FUBP1: variants seen among roughly 807,000 people sequenced by gnomAD.
The protein encoded by FUBP1 is far upstream element binding protein 1.
In FUBP1, 16 loss-of-function variants were observed where a neutral mutation model predicts 94.9. The ratio of observed to expected loss-of-function variants is 0.17; its 90% CI spans 0.11 to 0.26. The LOEUF (loss-of-function observed/expected upper bound fraction) is 0.26, where lower values mean the gene tolerates loss of function less well. Ranked by LOEUF, FUBP1 falls within the 10% of genes least tolerant of loss-of-function variation. The probability of loss-of-function intolerance (pLI) is 1.00; values close to 1 mark genes in which losing one functional copy is unlikely to be tolerated. For synonymous variants in FUBP1, 279 were observed against 254.9 expected (o/e 1.09, Z -0.90); for missense variants, 583 against 808.6 (o/e 0.72, Z 3.38).
intron 1 of FUBP1, among the ~76,000 whole-genome samples, chr1:77,973,807 G>T (rs1467500727): frequency 6.6e-6 from 1 of 152,212 alleles, no homozygotes; most frequent in Non-Finnish European, 1.5e-5. Flanking sequence ...TTCTGGGGTA[G>T]GGGAGGGTCC....
At position 77,945,791 on chromosome 1, in the gene FUBP1, T is replaced by C. The variant is rs1652009687; in HGVS notation, c.*2975A>G. On this transcript the variant is annotated 3_prime_UTR_variant, in exon 20 of 20. Coordinates refer to ENST00000370768, the MANE Select transcript of FUBP1 (RefSeq NM_003902.5). ...CATACATTCAACTTAACTCAAAATA[T>C]GTACCAGTTAAAATCATCTATAAAA... 1 of 213,836 alleles carries C rather than the reference T, an allele frequency of 4.7e-6. No individual in the cohort carries two copies. The highest frequency in any genetic ancestry group is 1.9e-4 in the South Asian group (1 of 5,362). 13.2% of individuals were successfully genotyped at this position (213,836 alleles called of 1,614,324 possible). A position where few individuals can be genotyped will look rare whatever the true frequency, so the allele number is the denominator to read the frequency against.
chr1:77,958,103 A>G (rs1020862959), intron 16 of FUBP1, among the ~76,000 whole-genome samples: 1 of 152,158 alleles, frequency 6.6e-6, no homozygotes, highest in Non-Finnish European at 1.5e-5. Flanking sequence ...TTATCTGTAT[A>G]TTAATCAAGA....
rs1357681927 is a variant in FUBP1 at position 77,945,847 on chromosome 1, T to C, written c.*2919A>G. On this transcript the variant is annotated 3_prime_UTR_variant, in exon 20 of 20. Coordinates refer to ENST00000370768, the MANE Select transcript of FUBP1 (RefSeq NM_003902.5). ...CAAACATTTTAAACTGGCAAAAAAA[T>C]TAAATGCAGCGTCAGTTATTAAAAT... 1 of 211,088 alleles carries C rather than the reference T, an allele frequency of 4.7e-6. No individual in the cohort carries two copies. Among genetic ancestry groups the C allele is most frequent in the Non-Finnish European group, 9.6e-6 (1 of 104,140 alleles). 13.1% of individuals were successfully genotyped at this position (211,088 alleles called of 1,614,324 possible). A position where few individuals can be genotyped will look rare whatever the true frequency, so the allele number is the denominator to read the frequency against.
chr1:77,976,369 T>C (rs551872415), intron 1 of FUBP1, among the ~76,000 whole-genome samples: 1 of 152,238 alleles, frequency 6.6e-6, no homozygotes, highest in South Asian at 2.1e-4. Flanking sequence ...TATAAAGAAA[T>C]CATTACAGCA....
upstream of FUBP1, chr1:77,979,272 C>T (rs2102569538): frequency 4.5e-6 from 2 of 442,938 alleles, no homozygotes; most frequent in Non-Finnish European, 8.2e-6. Flanking sequence ...CTTTTGGCAC[C>T]TCCTCTCCGC....
intron 16 of FUBP1, among the ~76,000 whole-genome samples, chr1:77,958,336 A>G (rs1049466714): frequency 6.6e-6 from 1 of 152,242 alleles, no homozygotes; most frequent in Admixed American, 6.5e-5. Flanking sequence ...GAGGAGTTCA[A>G]AAACTTGCTT....
intron 18 of FUBP1, among the ~76,000 whole-genome samples, chr1:77,952,389 A>C (rs1308180062): frequency 6.6e-6 from 1 of 151,576 alleles, no homozygotes; most frequent in Admixed American, 6.6e-5. Flanking sequence ...TTTTCAGTAA[A>C]TAAGCAAATA....
At chr1:77,953,891 C>T (rs559555802) in intron 18 of FUBP1, among the ~76,000 whole-genome samples, 1 of 152,250 alleles carries the variant, frequency 6.6e-6, no homozygotes, top group South Asian at 2.1e-4. Flanking sequence ...TCCATAATTA[C>T]CTAAATCCAT....
Position 77,964,736 on chromosome 1 carries a change from T to C in FUBP1, c.747A>G (p.Glu249=), listed in dbSNP as rs146668201. ...GDPYKVQQAK[E]MVLELIRDQG... ...GATCACGAATTAACTCTAACACCAT[T>C]TCCTTGGCTTGCTAAAGCAGAAAAA... The change falls in exon 10 of 20, where the codon GAA becomes GAG. Residue 249 remains glutamate, a synonymous_variant. Transcript: ENST00000370768. 1.5e-3 allele frequency: 2,497 copies of C among 1,611,184 alleles called. 11 individuals carry two copies. Among genetic ancestry groups the C allele is most frequent in the Middle Eastern group, 8.1e-3 (49 of 6,058 alleles).
intron 18 of FUBP1, 122 bp from the exon 19 acceptor site, chr1:77,949,422 T>C: frequency 1.3e-6 from 1 of 750,238 alleles, no homozygotes; most frequent in Non-Finnish European, 2.1e-6. Flanking sequence ...ATCTTGTGTT[T>C]GCCCTTGTTG....
rs1218606825 is a variant in FUBP1, at chr1:77,945,999, CAT to C, written c.*2765_*2766del. 2 of 199,812 alleles carry C rather than the reference CAT, an allele frequency of 1.0e-5. No individual in the cohort carries two copies. Among genetic ancestry groups the C allele is most frequent in the Non-Finnish European group, 2.1e-5 (2 of 96,752 alleles). The allele number at this position is 199,812 out of a possible 1,614,324, so 12.4% of individuals were successfully genotyped here. On this transcript the variant is annotated 3_prime_UTR_variant, in exon 20 of 20. Coordinates refer to ENST00000370768, the MANE Select transcript of FUBP1 (RefSeq NM_003902.5). ...GCCTTATAACTTTTTCCTTCTTCAG[CAT>C]ATAACTTTTGTCTAAGAAAAAAATC...
chr1:77,962,708 G>A (rs1185124780), intron 14 of FUBP1, 62 bp downstream of exon 14: 10 of 1,015,008 alleles, frequency 9.9e-6, no homozygotes, highest in African/African-American at 4.9e-5. Context: ...TTGAATAAAC[G>A]TCTTAATTTA....
intron 13 of FUBP1, among the ~76,000 whole-genome samples, 186 bp from the exon 14 acceptor site, chr1:77,963,116 C>T (rs1655815862): frequency 6.6e-6 from 1 of 152,168 alleles, no homozygotes; most frequent in African/African-American, 2.4e-5. Flanking sequence ...GGAAGCATTT[C>T]ATGCTTCTCT....
chr1:77,960,306 A>G (rs770843235), intron 15 of FUBP1, 38 bp downstream of exon 15: 1 of 1,612,500 alleles, frequency 6.2e-7, no homozygotes, highest in Admixed American at 1.7e-5. Flanking sequence ...CAAAACTAGA[A>G]TCTTTGGGGA....
chr1:77,977,763 A>G (rs1445063903), intron 1 of FUBP1, among the ~76,000 whole-genome samples: 1 of 152,242 alleles, frequency 6.6e-6, no homozygotes, highest in Non-Finnish European at 1.5e-5. Flanking sequence ...AATATTAATG[A>G]TGACCTTTTG....
intron 14 of FUBP1, among the ~76,000 whole-genome samples, chr1:77,962,031 T>C (rs796224931): frequency 7.2e-5 from 11 of 152,320 alleles, no homozygotes; most frequent in African/African-American, 2.6e-4. Flanking sequence ...AAAATAATTT[T>C]TCCTAGGCAA....
intron 14 of FUBP1, among the ~76,000 whole-genome samples, chr1:77,961,093 C>CA (rs1346028891): frequency 1.3e-5 from 2 of 152,118 alleles, no homozygotes; most frequent in African/African-American, 4.8e-5. Context: ...TTTAATAGCA[C>CA]AAAAATTCCC....
At position 77,949,207 on chromosome 1, in the gene FUBP1, T is replaced by C. The variant is rs762248194; in HGVS notation, c.1874A>G (p.Tyr625Cys). 10 of 1,613,506 alleles carry C rather than the reference T, an allele frequency of 6.2e-6. No homozygotes were observed. Among genetic ancestry groups the C allele is most frequent in the Non-Finnish European group, 8.5e-7 (1 of 1,179,572 alleles). Residue 625 changes from tyrosine to cysteine, a missense_variant, in exon 19 of 20, where the codon TAT (tyrosine) becomes TGT (cysteine). Tyr to Cys is a radical substitution (Grantham distance 194). Transcript: ENST00000370768. ...WAEYYRQQAA[Y>C]YAQTSPQGMP... ...TCCCTGGGGACTTGTCTGGGCATAATAGGCTGCTTGTTGTCTATAATACTC... is the reference window on the plus strand; with the variant it reads ...TCCCTGGGGACTTGTCTGGGCATAACAGGCTGCTTGTTGTCTATAATACTC...
Position 77,967,809 on chromosome 1 carries a change from A to C in FUBP1, c.251-143T>G, listed in dbSNP as rs535906639. ...TTGAAGAGAGTCAAATTTTTTACAC[A>C]ATATTTATATTGGCATTGACAGGGG... On this transcript the variant is annotated intron_variant, in intron 3 of 19. Coordinates refer to ENST00000370768, the MANE Select transcript of FUBP1 (RefSeq NM_003902.5). The C allele has an allele frequency of 1.3e-4, 76 of 578,632 alleles. No individual in the cohort carries two copies. The African/African-American group carries it at 1.3e-3, about 10-fold the overall frequency. 35.8% of individuals were successfully genotyped at this position (578,632 alleles called of 1,614,324 possible). A position where few individuals can be genotyped will look rare whatever the true frequency, so the allele number is the denominator to read the frequency against.
Sources: allele counts gnomAD v4.1 joint callset (sites outside exome capture counted in the v4.1 genomes callset), GRCh38; gene constraint gnomAD v4.1.1; transcripts MANE v1.5; gene names NCBI Gene and HGNC (gene_info 2026-07-23, HGNC 2026-07-21).